ST8SIA3: variants seen among roughly 807,000 people sequenced by gnomAD.
The protein encoded by ST8SIA3 is alpha-N-acetylneuraminate alpha-2,8-sialyltransferase ST8SIA3.
ST8SIA3 carries 17 observed loss-of-function variants against 34.5 expected under a neutral mutation model. The ratio of observed to expected loss-of-function variants is 0.49; its 90% confidence interval spans 0.34 to 0.74. The LOEUF (loss-of-function observed/expected upper bound fraction) is 0.74, where lower values mean the gene tolerates loss of function less well. Among genes scored for constraint, ST8SIA3 ranks in the 30% least tolerant of loss-of-function variants. ST8SIA3 has a pLI of 0.01. For synonymous variants in ST8SIA3, 172 were observed against 176.1 expected (o/e 0.98, Z 0.19); for missense variants, 354 against 467.8 (o/e 0.76, Z 2.24).
At chr18:57,354,350 G>A in intron 1 of ST8SIA3, 52 bp from the exon 2 acceptor site, 1 of 1,608,892 alleles carries the variant, frequency 6.2e-7, no homozygotes, top group Non-Finnish European at 8.5e-7. Context: ...GGCTACCTCG[G>A]CTTCCCCGAG....
chr18:57,353,079 T>G, intron 1 of ST8SIA3, 54 bp downstream of exon 1: 1 of 1,580,806 alleles, frequency 6.3e-7, no homozygotes. Flanking sequence ...ATGGGGTGTT[T>G]GGGGAAGGGA....
Position 57,363,204 on chromosome 18 carries a change from G to C in ST8SIA3, c.*2927G>C, listed in dbSNP as rs890441539. 2.6e-5 allele frequency: 4 copies of C among 152,154 alleles called. No homozygotes were observed. Among genetic ancestry groups the C allele is most frequent in the African/African-American group, 7.2e-5 (3 of 41,412 alleles). The allele number at this position is 152,154 out of a possible 1,614,324, so 9.4% of individuals were successfully genotyped here. On this transcript the variant is annotated 3_prime_UTR_variant, in exon 4 of 4. Transcript: ENST00000324000. ...ACAAAAAACCAATTAAGTTGCAGAG[G>C]GGGGAAATAATCACAAACTTTTGGC...
intron 2 of ST8SIA3, among the ~76,000 whole-genome samples, chr18:57,355,400 T>C (rs1160276113): frequency 6.6e-6 from 1 of 152,180 alleles, no homozygotes; most frequent in Non-Finnish European, 1.5e-5. Context: ...ATCTTAGCAT[T>C]TCTAGTTATT....
intron 2 of ST8SIA3, 47 bp downstream of exon 2, chr18:57,354,571 A>C: frequency 6.2e-7 from 1 of 1,605,438 alleles, no homozygotes. Flanking sequence ...AGAATTCAAG[A>C]GCTCAAAACA....
intron 2 of ST8SIA3, among the ~76,000 whole-genome samples, chr18:57,354,729 T>G (rs1568100866): frequency 6.6e-6 from 1 of 150,888 alleles, no homozygotes; most frequent in Non-Finnish European, 1.5e-5. Flanking sequence ...TGTAGTGTCC[T>G]CTCATAAAAA....
rs1279120962 is a variant in ST8SIA3 at position 57,361,364 on chromosome 18, A to G, written c.*1087A>G. 1 of 152,418 alleles carries G rather than the reference A, an allele frequency of 6.6e-6. No homozygotes were observed. The highest frequency in any genetic ancestry group is 1.9e-4 in the East Asian group (1 of 5,192). The allele number at this position is 152,418 out of a possible 1,614,324, so 9.4% of individuals were successfully genotyped here. A position where few individuals can be genotyped will look rare whatever the true frequency, so the allele number is the denominator to read the frequency against. ...TCCAGCTGGGTTAAAGTGGAGGAGGATCTTGGCCAGGCCAGGTGCCCAGGT... is the reference window on the plus strand; with the variant it reads ...TCCAGCTGGGTTAAAGTGGAGGAGGGTCTTGGCCAGGCCAGGTGCCCAGGT... On this transcript the variant is annotated 3_prime_UTR_variant, in exon 4 of 4. Coordinates refer to ENST00000324000, the MANE Select transcript of ST8SIA3 (RefSeq NM_015879.3).
chr18:57,357,059 A>T lies in ST8SIA3; in HGVS notation c.449A>T (p.Asp150Val). The T allele has an allele frequency of 3.1e-6, 5 of 1,614,098 alleles. No individual in the cohort carries two copies. Among genetic ancestry groups the T allele is most frequent in the Non-Finnish European group, 4.2e-6 (5 of 1,179,990 alleles). Reference sequence around the variant, plus strand: ...AATAACTTCCGGTCACTTCTTCCAGATGTGTCACCCATTATGAACAAGCAT... The same window carrying T: ...AATAACTTCCGGTCACTTCTTCCAGTTGTGTCACCCATTATGAACAAGCAT... ...ISNNFRSLLP[D>V]VSPIMNKHYN... is the part of the protein sequence containing the mutation. Residue 150 changes from aspartate (D) to valine (V), a missense_variant, in exon 3 of 4, where the codon GAT becomes GTT. By Grantham distance (152) the Asp-to-Val change is radical. Coordinates refer to ENST00000324000, the MANE Select transcript of ST8SIA3 (RefSeq NM_015879.3).
intron 2 of ST8SIA3, 134 bp from the exon 3 acceptor site, chr18:57,356,779 A>G (rs2049800024): frequency 1.6e-6 from 1 of 623,348 alleles, no homozygotes; most frequent in Non-Finnish European, 2.8e-6. Flanking sequence ...CAAGGACCAC[A>G]ATTATGTATG....
At chr18:57,353,813 T>C (rs2049781019) in intron 1 of ST8SIA3, among the ~76,000 whole-genome samples, 1 of 152,220 alleles carries the variant, frequency 6.6e-6, no homozygotes. Flanking sequence ...AACTACAAAG[T>C]GCCACCTGTG....
intron 2 of ST8SIA3, among the ~76,000 whole-genome samples, chr18:57,356,649 G>A (rs1167507817): frequency 6.6e-6 from 1 of 152,156 alleles, no homozygotes; most frequent in African/African-American, 2.4e-5. Flanking sequence ...TCTTCACGTA[G>A]AGCAGAAAAC....
At chr18:57,354,811 G>A (rs1198353097) in intron 2 of ST8SIA3, among the ~76,000 whole-genome samples, 2 of 149,692 alleles carry the variant, frequency 1.3e-5, no homozygotes, top group East Asian at 2.0e-4. Flanking sequence ...TGAGCACCAT[G>A]ATTTACAGCT....
At chr18:57,354,354 C>T (rs751540315) in intron 1 of ST8SIA3, 48 bp from the exon 2 acceptor site, 4 of 1,610,210 alleles carry the variant, frequency 2.5e-6, no homozygotes, top group Non-Finnish European at 3.4e-6. Flanking sequence ...ACCTCGGCTT[C>T]CCCGAGCTGA....
In ST8SIA3 at chr18:57,352,706, C is replaced by T. The variant is rs537580506; in HGVS notation, c.-141C>T. 60 of 301,242 alleles carry T rather than the reference C, an allele frequency of 2.0e-4. No homozygotes were observed. Among genetic ancestry groups the T allele is most frequent in the Admixed American group, 4.4e-4 (12 of 27,562 alleles). 18.7% of individuals were successfully genotyped at this position (301,242 alleles called of 1,614,324 possible). ...CCTCCCCCCACCCCCGCCCGGGTCC[C>T]CCTCCTCCGCCACACGCGCGCGCGC... On this transcript the variant is annotated 5_prime_UTR_variant, in exon 1 of 4. Transcript: ENST00000324000.
chr18:57,360,218 C>G lies in ST8SIA3; in HGVS notation c.1084C>G (p.Leu362Val), dbSNP rs769841984. 1.2e-6 allele frequency: 2 copies of G among 1,614,082 alleles called. No individual in the cohort carries two copies. Among genetic ancestry groups the G allele is most frequent in the Non-Finnish European group, 1.7e-6 (2 of 1,180,004 alleles). Reference sequence around the variant, plus strand: ...CCACCAGCTGCCTGCTGAGTTTCAGCTGCTGTACCGAATGCATGGGGAAGG... The same window carrying G: ...CCACCAGCTGCCTGCTGAGTTTCAGGTGCTGTACCGAATGCATGGGGAAGG... ...ESHQLPAEFQ[L>V]LYRMHGEGLT... The change falls in exon 4 of 4, where the codon CTG becomes GTG. Residue 362 changes from leucine (L) to valine (V), a missense_variant. Physicochemically the swap from Leu to Val is conservative, Grantham distance 32. This residue lies in a region of ST8SIA3 where 166 missense variants were observed against 245.2 expected (regional missense o/e 0.68). Coordinates refer to ENST00000324000, the MANE Select transcript of ST8SIA3 (RefSeq NM_015879.3).
chr18:57,356,910 T>C lies in ST8SIA3; in HGVS notation c.303-3T>C. The C allele has an allele frequency of 6.4e-7, 1 of 1,564,614 alleles. No homozygotes were observed. On this transcript the variant is annotated splice_polypyrimidine_tract_variant and splice_region_variant and intron_variant, in intron 2 of 3. Transcript: ENST00000324000. The stretch of plus-strand genomic sequence containing the variant: ...GCTTTTCATGAATTTCTTTTTATTT[T>C]AGGCAAGAAATTCTTCAGCATGTCG...
Position 57,361,066 on chromosome 18 carries a change from A to G in ST8SIA3, c.*789A>G, listed in dbSNP as rs1472500230. ...AGGCAGTGCATCTTTCATGATCACAAAGAAAGCCTATGTTGTGGATAGCAT... is the reference window on the plus strand; with the variant it reads ...AGGCAGTGCATCTTTCATGATCACAGAGAAAGCCTATGTTGTGGATAGCAT... On this transcript the variant is annotated 3_prime_UTR_variant, in exon 4 of 4. Coordinates refer to ENST00000324000, the MANE Select transcript of ST8SIA3 (RefSeq NM_015879.3). 6.6e-6 allele frequency: 1 copy of G among 152,224 alleles called. No individual in the cohort carries two copies. Among genetic ancestry groups the G allele is most frequent in the East Asian group, 1.9e-4 (1 of 5,198 alleles). 9.4% of individuals were successfully genotyped at this position (152,224 alleles called of 1,614,324 possible). A position where few individuals can be genotyped will look rare whatever the true frequency, so the allele number is the denominator to read the frequency against.
intron 2 of ST8SIA3, among the ~76,000 whole-genome samples, chr18:57,355,650 C>T (rs548571151): frequency 8.6e-5 from 13 of 151,982 alleles, no homozygotes; most frequent in African/African-American, 2.7e-4. Context: ...ATGGACAACC[C>T]AGAACGTTTT....
At position 57,368,265 on chromosome 18, in the gene ST8SIA3, A is replaced by T. The variant is rs982005541; in HGVS notation, c.*7988A>T. On this transcript the variant is annotated 3_prime_UTR_variant, in exon 4 of 4. Transcript: ENST00000324000. ...ATCTTCTCTCGCTTAACATACTTTG[A>T]TTTCACCATTGCATTTCAGCATTTT... 6.6e-6 allele frequency: 1 copy of T among 152,252 alleles called. No individual in the cohort carries two copies. Among genetic ancestry groups the T allele is most frequent in the Non-Finnish European group, 1.5e-5 (1 of 68,044 alleles). 9.4% of individuals were successfully genotyped at this position (152,252 alleles called of 1,614,324 possible).
rs769729977 is a variant in ST8SIA3 at position 57,361,403 on chromosome 18, G to A, written c.*1126G>A. The stretch of plus-strand genomic sequence containing the variant: ...AGGTGCCCAGGTGACTAGTGCTGAG[G>A]TGCGATCGTTTTCCGTATCATTGTG... On this transcript the variant is annotated 3_prime_UTR_variant, in exon 4 of 4. Transcript: ENST00000324000. 2 of 152,584 alleles carry A rather than the reference G, an allele frequency of 1.3e-5. No individual in the cohort carries two copies. Among genetic ancestry groups the A allele is most frequent in the Non-Finnish European group, 2.9e-5 (2 of 68,080 alleles). The allele number at this position is 152,584 out of a possible 1,614,324, so 9.5% of individuals were successfully genotyped here.
Sources: allele counts gnomAD v4.1 joint callset (sites outside exome capture counted in the v4.1 genomes callset), GRCh38; gene constraint gnomAD v4.1.1; regional missense constraint gnomAD v4.1.1; transcripts MANE v1.5; gene names NCBI Gene and HGNC (gene_info 2026-07-23, HGNC 2026-07-21).